Variants in DCP1A observed in about 807,000 individuals in gnomAD.
DCP1A encodes the protein mRNA-decapping enzyme 1A.
A neutral mutation model predicts 58.0 loss-of-function variants in DCP1A; 20 were observed. The observed-to-expected ratio is 0.34, with a 90% CI of 0.24 to 0.50. The LOEUF (loss-of-function observed/expected upper bound fraction) is 0.50. Ranked by LOEUF, DCP1A falls within the 20% of genes least tolerant of loss-of-function variation. The pLI is 0.98. For synonymous variants in DCP1A, 285 were observed against 275.1 expected (o/e 1.04, Z -0.36); for missense variants, 613 against 712.2 (o/e 0.86, Z 1.59).
chr3:53,339,733 A>G (rs1473210987), intron 3 of DCP1A, among the ~76,000 whole-genome samples: 1 of 152,204 alleles, frequency 6.6e-6, no homozygotes, highest in Non-Finnish European at 1.5e-5. Flanking sequence ...TGAAAAAAAT[A>G]TAATACAATT....
chr3:53,326,714 T>C (rs4687723), intron 3 of DCP1A, among the ~76,000 whole-genome samples: 111,123 of 152,154 alleles, frequency 0.73, 40,982 homozygotes, highest in Middle Eastern at 0.77. Flanking sequence ...CAGATGGAAC[T>C]GCTGTTTAGA....
At chr3:53,303,936 G>A (rs1162172593) in intron 6 of DCP1A, among the ~76,000 whole-genome samples, 2 of 152,202 alleles carry the variant, frequency 1.3e-5, no homozygotes, top group Non-Finnish European at 2.9e-5. Flanking sequence ...GGATTACTCT[G>A]GCTGTTGGGT....
intron 4 of DCP1A, among the ~76,000 whole-genome samples, chr3:53,316,431 A>G (rs1342164589): frequency 2.0e-5 from 3 of 151,838 alleles, no homozygotes; most frequent in Non-Finnish European, 4.4e-5. Flanking sequence ...GTATTCTCTA[A>G]TCACTTTTTT....
At position 53,287,567 on chromosome 3, in the gene DCP1A, T is replaced by C; in HGVS notation, c.*13A>G. 6.3e-7 allele frequency: 1 copy of C among 1,586,540 alleles called. No individual in the cohort carries two copies. Among genetic ancestry groups the C allele is most frequent in the Non-Finnish European group, 8.7e-7 (1 of 1,155,122 alleles). On this transcript the variant is annotated 3_prime_UTR_variant, in exon 10 of 10. Coordinates refer to ENST00000610213, the MANE Select transcript of DCP1A (RefSeq NM_018403.7). ...GAGGCTGGGGCTCTGCCTTTAGACT[T>C]ATTCTGCTCCAGTCATAGGTTGTGG...
At chr3:53,303,386 CCT>C (rs1474031682) in intron 6 of DCP1A, among the ~76,000 whole-genome samples, 1 of 152,294 alleles carries the variant, frequency 6.6e-6, no homozygotes, top group Admixed American at 6.5e-5. Context: ...GGTGCTGCAG[CCT>C]CCTGAGTAGC....
intron 4 of DCP1A, among the ~76,000 whole-genome samples, chr3:53,317,739 A>G (rs1707854599): frequency 6.6e-6 from 1 of 152,234 alleles, no homozygotes; most frequent in African/African-American, 2.4e-5. Flanking sequence ...TTTTAAGAGA[A>G]AAAGTGTTCT....
intron 4 of DCP1A, among the ~76,000 whole-genome samples, chr3:53,316,235 GCAAA>G (rs2106844253): frequency 6.6e-6 from 1 of 152,244 alleles, no homozygotes; most frequent in South Asian, 2.1e-4. Context: ...CAAATATGTA[GCAAA>G]CAACAACAAC....
rs1466690236 is a variant in DCP1A at position 53,292,104 on chromosome 3, C to T, written c.1348G>A (p.Ala450Thr). Reference protein sequence around the residue: ...KTAAARVAASASLSNMVLAPL... With the variant: ...KTAAARVAASTSLSNMVLAPL... ...GCAAGCACCATGTTGCTCAGGGAGG[C>T]TGAGGCCGCCACTCTTGCTGCTGCT... Residue 450 changes from alanine to threonine, a missense_variant, in exon 7 of 10, where the codon GCC (alanine) becomes ACC (threonine). By Grantham distance (58) the Ala-to-Thr change is moderately conservative. This residue lies in a region of DCP1A where 498 missense variants were observed against 556.7 expected (regional missense o/e 0.89). Coordinates refer to ENST00000610213, the MANE Select transcript of DCP1A (RefSeq NM_018403.7). 3 of 1,613,356 alleles carry T rather than the reference C, an allele frequency of 1.9e-6. No individual in the cohort carries two copies. Among genetic ancestry groups the T allele is most frequent in the African/African-American group, 2.7e-5 (2 of 74,844 alleles).
At chr3:53,327,127 T>C (rs1044387526) in intron 3 of DCP1A, among the ~76,000 whole-genome samples, 34 of 152,174 alleles carry the variant, frequency 2.2e-4, no homozygotes, top group African/African-American at 7.5e-4. Context: ...CAAAAATCTA[T>C]AGTTAGGGAT....
At chr3:53,293,028 T>C (rs1036769519) in intron 6 of DCP1A, among the ~76,000 whole-genome samples, 1 of 152,048 alleles carries the variant, frequency 6.6e-6, no homozygotes, top group Admixed American at 6.6e-5. Context: ...GAAATTTGCA[T>C]TGGTAATATA....
intron 3 of DCP1A, among the ~76,000 whole-genome samples, chr3:53,336,122 A>C (rs1553691876): frequency 7.5e-6 from 1 of 133,480 alleles, no homozygotes; most frequent in Non-Finnish European, 1.6e-5. Context: ...TTTCTTTTTG[A>C]GATGGAGTTT....
intron 6 of DCP1A, among the ~76,000 whole-genome samples, chr3:53,295,883 A>G (rs1707105883): frequency 6.6e-6 from 1 of 150,792 alleles, no homozygotes; most frequent in Non-Finnish European, 1.5e-5. Context: ...TAATCACATA[A>G]ACACCATGTG....
chr3:53,286,207 T>C lies in DCP1A; in HGVS notation c.*1373A>G, dbSNP rs781947418. Reference sequence around the variant, plus strand: ...AATGATTGTTCCTAAGGAACCATCATATCTGTCAGCATTATTCACAGCTAA... The same window carrying C: ...AATGATTGTTCCTAAGGAACCATCACATCTGTCAGCATTATTCACAGCTAA... On this transcript the variant is annotated 3_prime_UTR_variant, in exon 10 of 10. Transcript: ENST00000610213. 1 of 152,262 alleles carries C rather than the reference T, an allele frequency of 6.6e-6. No individual in the cohort carries two copies. The highest frequency in any genetic ancestry group is 1.5e-5 in the Non-Finnish European group (1 of 68,042). 9.4% of individuals were successfully genotyped at this position (152,262 alleles called of 1,614,324 possible). A position where few individuals can be genotyped will look rare whatever the true frequency, so the allele number is the denominator to read the frequency against.
At chr3:53,307,550 T>C (rs775968469) in intron 5 of DCP1A, among the ~76,000 whole-genome samples, 31 of 152,212 alleles carry the variant, frequency 2.0e-4, no homozygotes, top group Non-Finnish European at 3.2e-4. Context: ...CTGGCTTATA[T>C]TGTTAGGTTG....
chr3:53,291,349 C>T (rs1706865436), intron 7 of DCP1A, among the ~76,000 whole-genome samples: 1 of 151,970 alleles, frequency 6.6e-6, no homozygotes, highest in South Asian at 2.1e-4. Flanking sequence ...ATACCCTTTT[C>T]ATTATTTTAA....
chr3:53,305,761 A>AT (rs782653866), intron 5 of DCP1A, among the ~76,000 whole-genome samples: 1 of 152,214 alleles, frequency 6.6e-6, no homozygotes, highest in African/African-American at 2.4e-5. Context: ...TCGATGACAC[A>AT]TTTTGAGTTG....
chr3:53,344,333 A>G (rs961945621), intron 2 of DCP1A, among the ~76,000 whole-genome samples: 10 of 152,206 alleles, frequency 6.6e-5, no homozygotes, highest in African/African-American at 2.4e-4. Flanking sequence ...AAAAGTTGCA[A>G]TTTGCAAACC....
intron 5 of DCP1A, among the ~76,000 whole-genome samples, chr3:53,308,078 C>T (rs139904970): frequency 2.6e-4 from 39 of 152,140 alleles, no homozygotes; most frequent in Admixed American, 9.2e-4. Flanking sequence ...ATACCACTTA[C>T]ACTTGGACAT....
intron 3 of DCP1A, among the ~76,000 whole-genome samples, chr3:53,340,237 T>G (rs1553692390): frequency 6.6e-6 from 1 of 152,168 alleles, no homozygotes; most frequent in African/African-American, 2.4e-5. Flanking sequence ...AATTTTCCCT[T>G]TAATGGAATA....
Sources: gnomAD v4.1 joint callset for allele counts (sites outside exome capture counted in the v4.1 genomes callset) on GRCh38, gnomAD v4.1.1 for gene constraint, gnomAD v4.1.1 regional missense constraint, MANE v1.5 for transcripts, NCBI Gene and HGNC (gene_info 2026-07-23, HGNC 2026-07-21) for gene names.